PDE8B: variants seen among roughly 807,000 people sequenced by gnomAD.
The protein encoded by PDE8B is high affinity cAMP-specific and IBMX-insensitive 3',5'-cyclic phosphodiesterase 8B.
Under a neutral mutation model 101.3 loss-of-function variants are expected in PDE8B, and 26 were observed. That is an observed-to-expected ratio of 0.26 (90% CI 0.19 to 0.36). The LOEUF is 0.36. Among genes scored for constraint, PDE8B ranks in the 10% least tolerant of loss-of-function variants. The pLI is 1.00. For synonymous variants in PDE8B, 424 were observed against 429.3 expected (o/e 0.99, Z 0.15); for missense variants, 810 against 1,163.1 (o/e 0.70, Z 4.42).
At chr5:77,182,676 A>G in the PDE8B span, among the ~76,000 whole-genome samples, 16 of 152,306 alleles carry the variant, frequency 1.1e-4, no homozygotes, top group South Asian at 3.3e-3. Context: ...TCAGTTTGGT[A>G]ATGAAATAGT....
intron 11 of PDE8B, among the ~76,000 whole-genome samples, chr5:77,400,581 G>A (rs147086606): frequency 7.4e-4 from 113 of 152,258 alleles, no homozygotes; most frequent in African/African-American, 2.6e-3. Context: ...AGAGTGGGCC[G>A]AAAGTCTAGG....
At chr5:77,152,241 C>T in the PDE8B span, 1 of 152,260 alleles carries the variant, frequency 6.6e-6, no homozygotes, top group Admixed American at 6.5e-5. Context: ...TGATAACTCA[C>T]AACACAAATT....
intron 1 of PDE8B, among the ~76,000 whole-genome samples, chr5:77,306,931 C>A (rs1280235205): frequency 6.6e-6 from 1 of 152,142 alleles, no homozygotes; most frequent in Non-Finnish European, 1.5e-5. Flanking sequence ...AGTTCCTACT[C>A]ATAGTGGTGT....
intron 1 of PDE8B, among the ~76,000 whole-genome samples, chr5:77,243,369 A>G (rs1267586896): frequency 6.6e-6 from 1 of 152,210 alleles, no homozygotes; most frequent in African/African-American, 2.4e-5. Flanking sequence ...TATGCTTTAT[A>G]TACCATAAAC....
At chr5:77,423,632 GTTTTTTTTTT>G (rs71594634) in intron 20 of PDE8B, among the ~76,000 whole-genome samples, 21 of 74,048 alleles carry the variant, frequency 2.8e-4, no homozygotes, top group Middle Eastern at 9.3e-3. Flanking sequence ...GTTTTGTTTA[GTTTTTTTTTT>G]TTTTTTTTTT....
At chr5:77,309,872 G>A (rs376050000) in intron 1 of PDE8B, among the ~76,000 whole-genome samples, 2 of 149,978 alleles carry the variant, frequency 1.3e-5, no homozygotes, top group African/African-American at 4.9e-5. Context: ...CACCTGCCTC[G>A]GCCTCCGAAA....
chr5:77,217,147 G>A (rs1749939530), intron 1 of PDE8B, among the ~76,000 whole-genome samples: 1 of 151,928 alleles, frequency 6.6e-6, no homozygotes, highest in African/African-American at 2.4e-5. Flanking sequence ...AGTTCATTCT[G>A]TCCCCTGACT....
intron 1 of PDE8B, among the ~76,000 whole-genome samples, chr5:77,253,803 A>G (rs1316880648): frequency 2.0e-5 from 3 of 152,162 alleles, no homozygotes; most frequent in East Asian, 1.9e-4. Flanking sequence ...AATGCATTAC[A>G]GAAAATGTTT....
At chr5:77,297,691 A>G (rs1478527487) in intron 1 of PDE8B, among the ~76,000 whole-genome samples, 3 of 152,306 alleles carry the variant, frequency 2.0e-5, no homozygotes, top group Admixed American at 2.0e-4. Context: ...TTCTCACCAC[A>G]GCAGCCTTCT....
the PDE8B span, among the ~76,000 whole-genome samples, chr5:77,090,571 C>T: frequency 6.6e-6 from 1 of 152,184 alleles, no homozygotes; most frequent in Non-Finnish European, 1.5e-5. Context: ...CCGCACCCAG[C>T]CGAAGAGAAG....
intron 1 of PDE8B, among the ~76,000 whole-genome samples, chr5:77,258,367 A>G (rs1261696913): frequency 1.3e-5 from 2 of 151,654 alleles, no homozygotes; most frequent in East Asian, 1.9e-4. Flanking sequence ...AGCATGGTCC[A>G]TTGTAGACCA....
intron 1 of PDE8B, among the ~76,000 whole-genome samples, chr5:77,287,295 A>ATT (rs1766213113): frequency 6.6e-6 from 1 of 151,976 alleles, no homozygotes; most frequent in Non-Finnish European, 1.5e-5. Flanking sequence ...GTTGCCACGT[A>ATT]TTTTATTTCA....
chr5:77,210,741 C>A lies in PDE8B; in HGVS notation c.-185C>A. ...CCCAAAAGGGAAAGTTGGGGTGACG[C>A]GCGCGGTCCCCGGAGGCTCGGCGGG... On this transcript the variant is annotated 5_prime_UTR_variant, in exon 1 of 22. Transcript: ENST00000264917. This position sits in a 1 kb window ranked among gnomAD's most constrained non-coding sequence, Gnocchi z 4.9. The A allele has an allele frequency of 1.0e-6, 1 of 981,904 alleles. No homozygotes were observed. The highest frequency in any genetic ancestry group is 1.2e-6 in the Non-Finnish European group (1 of 828,898). 60.8% of individuals were successfully genotyped at this position (981,904 alleles called of 1,614,324 possible). A position where few individuals can be genotyped will look rare whatever the true frequency, so the allele number is the denominator to read the frequency against.
chr5:77,344,706 G>A (rs1229809205), intron 6 of PDE8B, 147 bp from the exon 7 acceptor site: 4 of 720,216 alleles, frequency 5.6e-6, no homozygotes, highest in Non-Finnish European at 1.0e-5. Flanking sequence ...CATATGAACT[G>A]TTGGGAGACA....
At chr5:77,367,172 C>G (rs1324874773) in intron 10 of PDE8B, among the ~76,000 whole-genome samples, 4 of 152,252 alleles carry the variant, frequency 2.6e-5, no homozygotes, top group South Asian at 4.1e-4. Flanking sequence ...CACACACACA[C>G]ACACACACAC....
chr5:77,398,278 A>C (rs547198356), intron 10 of PDE8B, among the ~76,000 whole-genome samples: 1 of 151,838 alleles, frequency 6.6e-6, no homozygotes, highest in Admixed American at 6.6e-5. Flanking sequence ...AAAAAAAAAA[A>C]ACCTTTTTCC....
At chr5:77,275,688 C>T (rs545719382) in intron 1 of PDE8B, among the ~76,000 whole-genome samples, 3 of 152,340 alleles carry the variant, frequency 2.0e-5, no homozygotes, top group South Asian at 2.1e-4. Context: ...AATCCACCCA[C>T]AGTAAAAGTC....
chr5:77,273,446 A>T (rs1403685295), intron 1 of PDE8B, among the ~76,000 whole-genome samples: 1 of 152,258 alleles, frequency 6.6e-6, no homozygotes. Context: ...AATGCTTTTG[A>T]GAGATGCAGT....
chr5:77,317,401 G>A (rs1319697181), intron 2 of PDE8B, among the ~76,000 whole-genome samples: 1 of 152,130 alleles, frequency 6.6e-6, no homozygotes, highest in African/African-American at 2.4e-5. Flanking sequence ...TTGCTTTTGA[G>A]GGTGCATTTC....
Sources: gnomAD v4.1 joint callset for allele counts (sites outside exome capture counted in the v4.1 genomes callset) on GRCh38, gnomAD v4.1.1 for gene constraint, Gnocchi (gnomAD v3.1) non-coding constraint, MANE v1.5 for transcripts, NCBI Gene and HGNC (gene_info 2026-07-23, HGNC 2026-07-21) for gene names.